Variants in PCDHA10 observed in about 807,000 individuals in gnomAD.
PCDHA10 encodes the protein protocadherin alpha-10.
In PCDHA10, 45 loss-of-function variants were observed where a neutral mutation model predicts 61.2. That is an observed-to-expected ratio of 0.74 (90% CI 0.58 to 0.94). The LOEUF (loss-of-function observed/expected upper bound fraction) is 0.94. Among genes scored for constraint, PCDHA10 ranks in the 40% least tolerant of loss-of-function variants. The probability of loss-of-function intolerance (pLI) is 0.00; values close to 1 mark genes in which losing one functional copy is unlikely to be tolerated. For synonymous variants in PCDHA10, 602 were observed against 548.8 expected (o/e 1.10, Z -1.35); for missense variants, 1,278 against 1,236.2 (o/e 1.03, Z -0.51).
chr5:140,872,581 C>T (rs1037284236), intron 1 of PCDHA10, among the ~76,000 whole-genome samples: 14 of 152,104 alleles, frequency 9.2e-5, no homozygotes, highest in African/African-American at 3.1e-4. Flanking sequence ...GACCTATCAT[C>T]GTGAGACCCC....
chr5:140,902,657 T>G (rs1331790009), intron 1 of PCDHA10, among the ~76,000 whole-genome samples: 2 of 152,160 alleles, frequency 1.3e-5, no homozygotes, highest in Non-Finnish European at 2.9e-5. Context: ...GGTGCACCTG[T>G]CACCCAAGCA....
At chr5:140,921,704 A>T (rs1465184855) in intron 1 of PCDHA10, among the ~76,000 whole-genome samples, 8 of 152,234 alleles carry the variant, frequency 5.3e-5, no homozygotes, top group African/African-American at 1.9e-4. Flanking sequence ...AATTTTAAAC[A>T]GTAAACACAC....
chr5:140,877,415 T>A (rs1554169714), intron 1 of PCDHA10: 3 of 1,613,882 alleles, frequency 1.9e-6, no homozygotes, highest in Non-Finnish European at 2.5e-6. Flanking sequence ...CACCGCCTGC[T>A]GGTGCTGGTG....
At chr5:141,008,352 A>C (rs549122044) in intron 3 of PCDHA10, among the ~76,000 whole-genome samples, 2 of 152,322 alleles carry the variant, frequency 1.3e-5, no homozygotes, top group South Asian at 4.1e-4. Flanking sequence ...TTCACGTGTC[A>C]ACCAAAGGAG....
At chr5:140,875,262 C>T (rs2055382922) in intron 1 of PCDHA10, 1 of 1,157,372 alleles carries the variant, frequency 8.6e-7, no homozygotes, top group Admixed American at 3.0e-5. Flanking sequence ...CATGATGTCG[C>T]TCTACACTCA....
chr5:140,893,954 T>C (rs115606551), intron 1 of PCDHA10, among the ~76,000 whole-genome samples: 1,862 of 152,344 alleles, frequency 0.012, 45 homozygotes, highest in African/African-American at 0.042. Flanking sequence ...CATGACTTTA[T>C]TAGTCATTAG....
chr5:140,929,245 A>G, intron 1 of PCDHA10: 1 of 1,613,774 alleles, frequency 6.2e-7, no homozygotes. Flanking sequence ...AAATCTTGCC[A>G]CTGGGGTAGG....
At chr5:140,885,592 G>T (rs1428219345) in intron 1 of PCDHA10, among the ~76,000 whole-genome samples, 3 of 152,102 alleles carry the variant, frequency 2.0e-5, no homozygotes, top group Non-Finnish European at 2.9e-5. Flanking sequence ...ATGCATCAAA[G>T]ATATTAATAA....
At position 140,857,094 on chromosome 5, in the gene PCDHA10, T is replaced by G. The variant is rs781941290; in HGVS notation, c.1046T>G (p.Val349Gly). 4.4e-6 allele frequency: 7 copies of G among 1,596,938 alleles called. No homozygotes were observed. Among genetic ancestry groups the G allele is most frequent in the Non-Finnish European group, 6.0e-6 (7 of 1,166,778 alleles). Reference protein sequence around the residue: ...LLDENDNSPEVIVTSLSLPVK... With the variant: ...LLDENDNSPEGIVTSLSLPVK... ...GATGAAAATGATAATTCACCTGAGG[T>G]GATTGTCACTTCTCTGTCTCTCCCA... is the stretch of plus-strand genomic sequence containing the variant. Residue 349 changes from valine to glycine, a missense_variant, in exon 1 of 4, where the codon GTG becomes GGG. Physicochemically the swap from Val to Gly is moderately radical, Grantham distance 109. Coordinates refer to ENST00000307360, the MANE Select transcript of PCDHA10 (RefSeq NM_018901.4).
At position 140,976,185 on chromosome 5, in the gene PCDHA10, A is replaced by G. The variant is rs545410193; in HGVS notation, c.2389-2764A>G. Among the ~76,000 whole-genome samples the G allele has an allele frequency of 4.6e-5, 7 of 152,340 alleles. No homozygotes were observed. The South Asian group carries it at 1.2e-3, about 27-fold the overall frequency. ...TTTAGTTTTGTATTGTTTTAAATCAATATCCTGGAAACTCAGAAGTAAAAA... is the reference window on the plus strand; with the variant it reads ...TTTAGTTTTGTATTGTTTTAAATCAGTATCCTGGAAACTCAGAAGTAAAAA... On this transcript the variant is annotated intron_variant, in intron 1 of 3. Coordinates refer to ENST00000307360, the MANE Select transcript of PCDHA10 (RefSeq NM_018901.4).
intron 1 of PCDHA10, among the ~76,000 whole-genome samples, chr5:140,893,595 T>C (rs13187419): frequency 0.05 from 7,691 of 152,298 alleles, 276 homozygotes; most frequent in Non-Finnish European, 0.072. Context: ...GGAAATACTT[T>C]ATTTCTCCTT....
intron 1 of PCDHA10, among the ~76,000 whole-genome samples, chr5:140,951,153 G>T (rs1585399827): frequency 3.4e-5 from 1 of 29,832 alleles, no homozygotes; most frequent in Admixed American, 3.1e-4. Context: ...ATTGAATATA[G>T]TTATAGTAGC....
chr5:140,953,099 G>A lies in PCDHA10; in HGVS notation c.2389-25850G>A, dbSNP rs1554220803. On this transcript the variant is annotated intron_variant, in intron 1 of 3. Transcript: ENST00000307360. ...CATTGGGGATTACAATTTGACATGA[G>A]ATTTGGGCAGGGACACAGATCTAAA... Among the ~76,000 whole-genome samples, 7 of 152,256 alleles carry A rather than the reference G, an allele frequency of 4.6e-5. 1 individual carries two copies. Among genetic ancestry groups the A allele is most frequent in the South Asian group, 2.1e-4 (1 of 4,828 alleles).
At chr5:140,915,831 G>T (rs1326644343) in intron 1 of PCDHA10, among the ~76,000 whole-genome samples, 1 of 152,168 alleles carries the variant, frequency 6.6e-6, no homozygotes, top group Non-Finnish European at 1.5e-5. Flanking sequence ...AGGGCTCTAA[G>T]ATCAGCAGGG....
At chr5:140,943,326 G>A (rs1407826029) in intron 1 of PCDHA10, among the ~76,000 whole-genome samples, 10 of 149,948 alleles carry the variant, frequency 6.7e-5, no homozygotes, top group African/African-American at 2.5e-4. Flanking sequence ...ATATTGTGTA[G>A]TATCCATTGG....
Position 140,858,197 on chromosome 5 carries a change from A to G in PCDHA10, c.2149A>G (p.Thr717Ala), listed in dbSNP as rs782680459. 2.5e-6 allele frequency: 4 copies of G among 1,597,058 alleles called. No individual in the cohort carries two copies. The highest frequency in any genetic ancestry group is 2.6e-6 in the Non-Finnish European group (3 of 1,166,924). ...GCTGGTGCTCACGCTGCTGCTGTACACTGCACTGAGGTGCTCGGCGGCGCC... is the reference window on the plus strand; with the variant it reads ...GCTGGTGCTCACGCTGCTGCTGTACGCTGCACTGAGGTGCTCGGCGGCGCC... Reference protein sequence around the residue: ...SLLVLTLLLYTALRCSAAPTE... With the variant: ...SLLVLTLLLYAALRCSAAPTE... Residue 717 changes from threonine (T) to alanine (A), a missense_variant, in exon 1 of 4, where the codon ACT becomes GCT. Thr to Ala is a moderately conservative substitution (Grantham distance 58, BLOSUM62 0). Coordinates refer to ENST00000307360, the MANE Select transcript of PCDHA10 (RefSeq NM_018901.4).
intron 1 of PCDHA10, among the ~76,000 whole-genome samples, chr5:140,941,202 C>CTTTCCTTCTTT (rs1554213921): frequency 8.1e-6 from 1 of 122,742 alleles, no homozygotes; most frequent in Non-Finnish European, 1.8e-5. Flanking sequence ...TTTCTTTCTT[C>CTTTCCTTCTTT]CTTTCTTTCT....
At chr5:140,925,641 T>TATAATAATAATAATA (rs10569930) in intron 1 of PCDHA10, among the ~76,000 whole-genome samples, 21 of 143,352 alleles carry the variant, frequency 1.5e-4, no homozygotes, top group East Asian at 6.1e-4. Context: ...GAACTTAAAG[T>TATAATAATAATAATA]ATAATAATAA....
At chr5:140,865,437 T>A (rs951308725) in intron 1 of PCDHA10, 1 of 152,200 alleles carries the variant, frequency 6.6e-6, no homozygotes, top group Non-Finnish European at 1.5e-5. Flanking sequence ...GAAAAATAAC[T>A]TCTGAGAAGA....
Sources: allele counts gnomAD v4.1 joint callset (sites outside exome capture counted in the v4.1 genomes callset), GRCh38; gene constraint gnomAD v4.1.1; transcripts MANE v1.5; gene names NCBI Gene and HGNC (gene_info 2026-07-23, HGNC 2026-07-21).